FHIT: variants seen among roughly 807,000 people sequenced by gnomAD.
FHIT encodes the protein fragile histidine triad diadenosine triphosphatase.
FHIT carries 19 observed loss-of-function variants against 17.9 expected under a neutral mutation model. That is an observed-to-expected ratio of 1.06 (90% confidence interval 0.74 to 1.56). The LOEUF is 1.56. FHIT is among the 40% of genes most tolerant of loss of function. The probability of loss-of-function intolerance (pLI) is 0.00; values close to 1 mark genes in which losing one functional copy is unlikely to be tolerated. For synonymous variants in FHIT, 81 were observed against 69.7 expected, an observed-to-expected ratio of 1.16 and a Z score of -0.81; for missense variants, 248 against 189.2, an observed-to-expected ratio of 1.31 and a Z score of -1.82.
rs1290633487 is a variant in FHIT at position 60,510,759 on chromosome 3, C to T, written c.103+26101G>A. Among the ~76,000 whole-genome samples the T allele has an allele frequency of 6.6e-5, 10 of 152,086 alleles. No individual in the cohort carries two copies. The South Asian group carries it at 1.2e-3, about 19-fold the overall frequency. On this transcript the variant is annotated intron_variant, in intron 5 of 9. Coordinates refer to ENST00000492590, the MANE Select transcript of FHIT (RefSeq NM_002012.4). Reference sequence around the variant, plus strand: ...TAGAAATACCTAATTTGTACAATTACGAATCCAAAATATTAAATTTAAATT... The same window carrying T: ...TAGAAATACCTAATTTGTACAATTATGAATCCAAAATATTAAATTTAAATT...
intron 3 of FHIT, among the ~76,000 whole-genome samples, chr3:60,861,666 C>A (rs1559782750): frequency 1.3e-5 from 2 of 151,778 alleles, no homozygotes; most frequent in Non-Finnish European, 1.5e-5. Flanking sequence ...CTCAAAGTTC[C>A]AAAAGAGGTC....
rs182706020 is a variant in FHIT at position 60,756,059 on chromosome 3, G to A, written c.-18+65860C>T. 5.3e-5 allele frequency among the ~76,000 whole-genome samples: 8 copies of A among 152,236 alleles called. 1 individual carries two copies. Among genetic ancestry groups the A allele is most frequent in the East Asian group, 1.9e-4 (1 of 5,186 alleles). ...ATATTTTTACTTTGTAACCTTCACC[G>A]TTCCAAGTTCATCTAAAAGAATAAA... On this transcript the variant is annotated intron_variant, in intron 4 of 9. Transcript: ENST00000492590.
At chr3:61,028,965 C>G (rs1328577869) in intron 3 of FHIT, among the ~76,000 whole-genome samples, 1 of 151,876 alleles carries the variant, frequency 6.6e-6, no homozygotes, top group African/African-American at 2.4e-5. Context: ...TAGAATATTC[C>G]TGGAGGTCTA....
At chr3:60,831,369 T>C (rs1702320113) in intron 3 of FHIT, among the ~76,000 whole-genome samples, 1 of 152,202 alleles carries the variant, frequency 6.6e-6, no homozygotes, top group African/African-American at 2.4e-5. Flanking sequence ...AGAGAGCCAA[T>C]TACTTCAGCA....
chr3:60,268,585 A>C (rs1706706154), intron 5 of FHIT, among the ~76,000 whole-genome samples: 1 of 152,230 alleles, frequency 6.6e-6, no homozygotes, highest in South Asian at 2.1e-4. Context: ...TGTATTATTT[A>C]CATTATGTGA....
chr3:60,260,324 T>G (rs1706225342), intron 5 of FHIT, among the ~76,000 whole-genome samples: 1 of 150,202 alleles, frequency 6.7e-6, no homozygotes, highest in Non-Finnish European at 1.5e-5. Context: ...TTCCTGCCAC[T>G]GCAGGAAACT....
At chr3:61,183,699 A>C (rs2038414711) in intron 2 of FHIT, among the ~76,000 whole-genome samples, 1 of 152,230 alleles carries the variant, frequency 6.6e-6, no homozygotes, top group Non-Finnish European at 1.5e-5. Flanking sequence ...AGCCAGCTAC[A>C]TTTTTGGACC....
Position 60,054,513 on chromosome 3 carries a change from C to G in FHIT, c.104-40361G>C, listed in dbSNP as rs764890117. Among the ~76,000 whole-genome samples, 16 of 152,254 alleles carry G rather than the reference C, an allele frequency of 1.1e-4. 1 individual carries two copies. The South Asian group carries it at 2.7e-3, about 26-fold the overall frequency. On this transcript the variant is annotated intron_variant, in intron 5 of 9. Transcript: ENST00000492590. ...CAAGCACACACTTGTCAATGAGCAC[C>G]AGGGTTTTCAAATTATCCAGAACTC...
intron 5 of FHIT, among the ~76,000 whole-genome samples, chr3:60,061,435 G>GCTAGCT (rs1191311368): frequency 2.0e-5 from 3 of 152,196 alleles, no homozygotes; most frequent in Non-Finnish European, 4.4e-5. Context: ...ATCTGACTAA[G>GCTAGCT]CTAGCTTTCC....
intron 2 of FHIT, among the ~76,000 whole-genome samples, chr3:61,128,863 A>G (rs747466222): frequency 2.0e-5 from 3 of 152,014 alleles, no homozygotes; most frequent in Non-Finnish European, 2.9e-5. Flanking sequence ...GCTCAACTCG[A>G]AAGTTGTTCA....
chr3:60,410,087 C>T (rs1702008059), intron 5 of FHIT, among the ~76,000 whole-genome samples: 1 of 152,062 alleles, frequency 6.6e-6, no homozygotes, highest in Non-Finnish European at 1.5e-5. Context: ...ATACTAAGAA[C>T]CTGCTATTGT....
chr3:59,772,326 C>T (rs1280438016), intron 8 of FHIT, among the ~76,000 whole-genome samples: 15 of 152,224 alleles, frequency 9.9e-5, no homozygotes. Flanking sequence ...CAGAAATCAC[C>T]CCGGTTTGCC....
At chr3:60,636,863 C>T (rs1553684025) in intron 4 of FHIT, among the ~76,000 whole-genome samples, 2 of 152,198 alleles carry the variant, frequency 1.3e-5, no homozygotes, top group Admixed American at 1.3e-4. Context: ...CTCATTTTCA[C>T]TCTAAAGTAA....
intron 5 of FHIT, among the ~76,000 whole-genome samples, chr3:60,153,354 C>T: frequency 9.4e-6 from 1 of 106,552 alleles, no homozygotes; most frequent in Non-Finnish European, 1.8e-5. Context: ...CTTTCACTCA[C>T]AATTCACCAG....
chr3:60,592,441 T>C (rs2038119349), intron 4 of FHIT, among the ~76,000 whole-genome samples: 1 of 152,028 alleles, frequency 6.6e-6, no homozygotes, highest in Non-Finnish European at 1.5e-5. Context: ...TTTGCTCATG[T>C]AAGTCTGAGG....
intron 1 of FHIT, among the ~76,000 whole-genome samples, chr3:61,200,933 C>T (rs1383562467): frequency 1.3e-5 from 2 of 152,132 alleles, no homozygotes; most frequent in Non-Finnish European, 2.9e-5. Flanking sequence ...GTGTACTCCT[C>T]AACAGAATGG....
intron 7 of FHIT, among the ~76,000 whole-genome samples, chr3:59,968,137 G>A (rs959960288): frequency 6.6e-6 from 1 of 152,014 alleles, no homozygotes; most frequent in African/African-American, 2.4e-5. Flanking sequence ...ATCTTTTTAG[G>A]GAGGCATTTT....
chr3:60,639,073 T>C (rs1240836874), intron 4 of FHIT, among the ~76,000 whole-genome samples: 1 of 144,764 alleles, frequency 6.9e-6, no homozygotes, highest in Non-Finnish European at 1.5e-5. Context: ...TCAAGCATCC[T>C]AGATGATGTA....
intron 5 of FHIT, among the ~76,000 whole-genome samples, chr3:60,343,020 C>T (rs17599894): frequency 6.6e-6 from 1 of 151,918 alleles, no homozygotes; most frequent in Non-Finnish European, 1.5e-5. Flanking sequence ...GAGTCTATAG[C>T]GATTTGTTTA....
Sources: gnomAD v4.1 joint callset for allele counts (sites outside exome capture counted in the v4.1 genomes callset) on GRCh38, gnomAD v4.1.1 for gene constraint, MANE v1.5 for transcripts, NCBI Gene and HGNC (gene_info 2026-07-23, HGNC 2026-07-21) for gene names.